PCSK2: variants seen among roughly 807,000 people sequenced by gnomAD.
The protein encoded by PCSK2 is neuroendocrine convertase 2.
A neutral mutation model predicts 69.7 loss-of-function variants in PCSK2; 14 were observed. The ratio of observed to expected loss-of-function variants is 0.20; its 90% CI spans 0.13 to 0.31. PCSK2 has a LOEUF of 0.31. PCSK2 is among the 10% of genes least tolerant of loss of function. PCSK2 has a pLI of 1.00. For missense variants in PCSK2, 544 were observed against 842.5 expected (o/e 0.65, Z 4.39); for synonymous variants, 307 against 320.7 (o/e 0.96, Z 0.46).
At chr20:17,448,809 C>T (rs75362732) in intron 8 of PCSK2, among the ~76,000 whole-genome samples, 2,731 of 151,900 alleles carry the variant, frequency 0.018, 83 homozygotes, top group African/African-American at 0.063. Context: ...TTGAGAAACA[C>T]TGTAATCCCA....
rs17849066 is a variant in PCSK2 at position 17,465,299 on chromosome 20, C to T, written c.1203-27C>T. 180 of 1,575,292 alleles carry T rather than the reference C, an allele frequency of 1.1e-4. No individual in the cohort carries two copies. The East Asian group carries it at 3.8e-3, about 33-fold the overall frequency. On this transcript the variant is annotated intron_variant, in intron 10 of 11. Coordinates refer to ENST00000262545, the MANE Select transcript of PCSK2 (RefSeq NM_002594.5). ...TCTCACCCTGCCTTTTGCCCTTGCC[C>T]TCTTGCTCTCTGCTTCCTGTATCCA...
chr20:17,286,124 C>T (rs1988502851), intron 2 of PCSK2, among the ~76,000 whole-genome samples: 2 of 152,192 alleles, frequency 1.3e-5, no homozygotes, highest in Non-Finnish European at 2.9e-5. Flanking sequence ...ATCTTGCTGT[C>T]ATTACTGGAT....
chr20:17,398,052 T>C (rs1050996293), intron 5 of PCSK2, among the ~76,000 whole-genome samples: 3 of 152,210 alleles, frequency 2.0e-5, no homozygotes, highest in Non-Finnish European at 4.4e-5. Context: ...GGAAAGGCAA[T>C]GTCTGAATGT....
chr20:17,392,930 A>G (rs2031421256), intron 5 of PCSK2, among the ~76,000 whole-genome samples: 1 of 152,114 alleles, frequency 6.6e-6, no homozygotes, highest in Non-Finnish European at 1.5e-5. Flanking sequence ...CTGTCTTGGG[A>G]TTGAGGGGCT....
chr20:17,413,031 G>A (rs550390558), intron 6 of PCSK2, among the ~76,000 whole-genome samples: 2 of 152,224 alleles, frequency 1.3e-5, no homozygotes, highest in South Asian at 2.1e-4. Context: ...CCTGAAGGAA[G>A]CACTAAACAT....
At chr20:17,480,207 T>TTTTTTTTTTTTTTTTTTTTG in intron 11 of PCSK2, among the ~76,000 whole-genome samples, 1 of 89,720 alleles carries the variant, frequency 1.1e-5, no homozygotes. Context: ...TTTTTTTTTT[T>TTTTTTTTTTTTTTTTTTTTG]GAGGCAGAGT....
intron 5 of PCSK2, among the ~76,000 whole-genome samples, chr20:17,396,066 T>C (rs746757136): frequency 3.3e-5 from 5 of 152,168 alleles, no homozygotes; most frequent in Non-Finnish European, 5.9e-5. Flanking sequence ...TTTGAGCATC[T>C]CTACAACATC....
intron 2 of PCSK2, among the ~76,000 whole-genome samples, chr20:17,295,656 C>T (rs1015914004): frequency 2.6e-5 from 4 of 151,588 alleles, no homozygotes; most frequent in African/African-American, 9.7e-5. Context: ...CTCAAGCCAC[C>T]CTCCTGCCTC....
intron 10 of PCSK2, among the ~76,000 whole-genome samples, chr20:17,457,680 T>G (rs1030607016): frequency 1.3e-5 from 2 of 152,206 alleles, no homozygotes; most frequent in Non-Finnish European, 2.9e-5. Context: ...AAGATAAAAC[T>G]GTTCATCTCA....
chr20:17,310,001 T>A (rs1989452912), intron 2 of PCSK2, among the ~76,000 whole-genome samples: 1 of 151,822 alleles, frequency 6.6e-6, no homozygotes, highest in African/African-American at 2.4e-5. Context: ...GGTTTCTGCT[T>A]CCGGGGAGGC....
At chr20:17,393,246 A>C (rs1031607319) in intron 5 of PCSK2, among the ~76,000 whole-genome samples, 1 of 152,282 alleles carries the variant, frequency 6.6e-6, no homozygotes, top group African/African-American at 2.4e-5. Context: ...CTAAGCTAAG[A>C]TACTTCATTC....
intron 5 of PCSK2, among the ~76,000 whole-genome samples, chr20:17,389,159 C>A (rs117078043): frequency 6.7e-6 from 1 of 149,788 alleles, no homozygotes; most frequent in Non-Finnish European, 1.5e-5. Context: ...TCTACATTAC[C>A]GCCATAAATG....
At position 17,404,244 on chromosome 20, in the gene PCSK2, C is replaced by T. The variant is rs372797980; in HGVS notation, c.544-5019C>T. On this transcript the variant is annotated intron_variant, in intron 5 of 11. Coordinates refer to ENST00000262545, the MANE Select transcript of PCSK2 (RefSeq NM_002594.5). ...CATTTTCACAATTTTGTAGTTGGAC[C>T]ACAGAGTTTGCCCCTCAGTACTCTA... Among the ~76,000 whole-genome samples, 8 of 152,322 alleles carry T rather than the reference C, an allele frequency of 5.3e-5. No individual in the cohort carries two copies. The East Asian group carries it at 5.8e-4, about 11-fold the overall frequency.
intron 2 of PCSK2, among the ~76,000 whole-genome samples, chr20:17,275,669 T>C (rs986756726): frequency 1.3e-5 from 2 of 152,170 alleles, no homozygotes; most frequent in Non-Finnish European, 2.9e-5. Flanking sequence ...TAAGATTAAA[T>C]AGGAAATACA....
intron 8 of PCSK2, among the ~76,000 whole-genome samples, chr20:17,452,390 A>G (rs773383922): frequency 2.6e-5 from 4 of 152,220 alleles, no homozygotes; most frequent in Non-Finnish European, 4.4e-5. Context: ...TCACTTGTCG[A>G]TTCAATCAAT....
chr20:17,391,906 GAGGAAGGAAGGAAGGA>G (rs145258467), intron 5 of PCSK2, among the ~76,000 whole-genome samples: 11,434 of 99,960 alleles, frequency 0.11, 670 homozygotes, highest in Non-Finnish European at 0.15. Flanking sequence ...GAAAGAGAGA[GAGGAAGGAAGGAAGGA>G]AGGAAGGAAG....
At chr20:17,236,905 G>C (rs73253480) in intron 1 of PCSK2, among the ~76,000 whole-genome samples, 4,212 of 152,224 alleles carry the variant, frequency 0.028, 182 homozygotes, top group African/African-American at 0.094. Flanking sequence ...GGAAGGAAGA[G>C]GTGTTAGGAT....
At chr20:17,285,151 T>G (rs897717382) in intron 2 of PCSK2, among the ~76,000 whole-genome samples, 3 of 152,244 alleles carry the variant, frequency 2.0e-5, no homozygotes, top group African/African-American at 7.2e-5. Context: ...TGTCCAGAAT[T>G]CTTCTTAACC....
intron 2 of PCSK2, among the ~76,000 whole-genome samples, chr20:17,327,301 C>T (rs1156780671): frequency 1.3e-5 from 2 of 152,194 alleles, no homozygotes; most frequent in African/African-American, 4.8e-5. Context: ...CTGTGTCAAT[C>T]ACATTCCTCC....
Sources: gnomAD v4.1 joint callset for allele counts (sites outside exome capture counted in the v4.1 genomes callset) on GRCh38, gnomAD v4.1.1 for gene constraint, MANE v1.5 for transcripts, NCBI Gene and HGNC (gene_info 2026-07-23, HGNC 2026-07-21) for gene names.